Variants in KCNMA1 observed in about 807,000 individuals in gnomAD.
The protein encoded by KCNMA1 is potassium calcium-activated channel subfamily M alpha 1.
KCNMA1 carries 29 observed loss-of-function variants against 140.0 expected under a neutral mutation model. The ratio of observed to expected loss-of-function variants is 0.21; its 90% CI spans 0.15 to 0.28. KCNMA1 has a LOEUF of 0.28. Among genes scored for constraint, KCNMA1 ranks in the 10% least tolerant of loss-of-function variants. The probability of loss-of-function intolerance (pLI) is 1.00; values close to 1 mark genes in which losing one functional copy is unlikely to be tolerated. For synonymous variants in KCNMA1, 612 were observed against 611.9 expected, an observed-to-expected ratio of 1.00 and a Z score of 0.00; for missense variants, 880 against 1,602.2, an observed-to-expected ratio of 0.55 and a Z score of 7.70.
intron 23 of KCNMA1, among the ~76,000 whole-genome samples, chr10:76,928,305 A>G: frequency 1.3e-5 from 1 of 78,308 alleles, no homozygotes; most frequent in East Asian, 2.1e-4. Context: ...ACACACACAC[A>G]CACACGCACA....
At chr10:77,565,724 T>C (rs1416375942) in intron 1 of KCNMA1, among the ~76,000 whole-genome samples, 1 of 152,232 alleles carries the variant, frequency 6.6e-6, no homozygotes, top group African/African-American at 2.4e-5. Context: ...TGCTTAGTAC[T>C]TGGCACAAGA....
At chr10:77,578,074 G>C (rs1377895205) in intron 1 of KCNMA1, among the ~76,000 whole-genome samples, 1 of 152,212 alleles carries the variant, frequency 6.6e-6, no homozygotes, top group Non-Finnish European at 1.5e-5. Flanking sequence ...AGTGCCTCTG[G>C]ACACCTCCAG....
intron 19 of KCNMA1, among the ~76,000 whole-genome samples, chr10:76,999,890 C>T (rs1428003775): frequency 6.6e-6 from 1 of 152,134 alleles, no homozygotes; most frequent in African/African-American, 2.4e-5. Context: ...TGGCTCGATG[C>T]ACAAATCATG....
At chr10:77,392,968 C>A (rs949632705) in intron 2 of KCNMA1, among the ~76,000 whole-genome samples, 1 of 152,252 alleles carries the variant, frequency 6.6e-6, no homozygotes, top group East Asian at 1.9e-4. Context: ...TCCTGTGACA[C>A]ATGCGCCCAC....
At position 77,293,039 on chromosome 10, in the gene KCNMA1, T is replaced by C. The variant is rs573856395; in HGVS notation, c.541-41783A>G. Among the ~76,000 whole-genome samples the C allele has an allele frequency of 5.3e-5, 8 of 152,198 alleles. No individual in the cohort carries two copies. The South Asian group carries it at 1.2e-3, about 24-fold the overall frequency. Reference sequence around the variant, plus strand: ...CCTTTGAAAGGCCAGGAGAAGAGCATGGCAGGCAGAGGGAACAGTAGGTCA... The same window carrying C: ...CCTTTGAAAGGCCAGGAGAAGAGCACGGCAGGCAGAGGGAACAGTAGGTCA... On this transcript the variant is annotated intron_variant, in intron 2 of 27. Transcript: ENST00000286628.
intron 14 of KCNMA1, chr10:77,071,605 C>T (rs1008771824): frequency 6.6e-6 from 1 of 152,210 alleles, no homozygotes; most frequent in African/African-American, 2.4e-5. Context: ...CATTCAGTTC[C>T]ACCCATGCAG....
At chr10:77,321,716 A>G (rs984444233) in intron 2 of KCNMA1, among the ~76,000 whole-genome samples, 3 of 152,124 alleles carry the variant, frequency 2.0e-5, no homozygotes, top group Admixed American at 6.5e-5. Flanking sequence ...TTGGGGAAAG[A>G]CAACAGTCCT....
At chr10:77,527,043 G>A (rs1045227814) in intron 1 of KCNMA1, among the ~76,000 whole-genome samples, 1 of 152,226 alleles carries the variant, frequency 6.6e-6, no homozygotes, top group African/African-American at 2.4e-5. Flanking sequence ...GGGAAATAAT[G>A]CCGACACATA....
At chr10:77,265,458 T>G (rs1459506189) in intron 2 of KCNMA1, among the ~76,000 whole-genome samples, 1 of 152,228 alleles carries the variant, frequency 6.6e-6, no homozygotes, top group Non-Finnish European at 1.5e-5. Context: ...ATAAAAAGTT[T>G]ATTCTTTCAA....
In KCNMA1 at chr10:76,977,584, C is replaced by A. The variant is rs1009959320; in HGVS notation, c.2267-7517G>T. 3 of 702,968 alleles carry A rather than the reference C, an allele frequency of 4.3e-6. No individual in the cohort carries two copies. In the South Asian group the frequency reaches 4.4e-5, roughly 10 times the overall value. 43.5% of individuals were successfully genotyped at this position (702,968 alleles called of 1,614,324 possible). On this transcript the variant is annotated intron_variant, in intron 19 of 27. Transcript: ENST00000286628. The stretch of plus-strand genomic sequence containing the variant: ...TTGCTGACCCCTGCAGTAGTTTAAT[C>A]TTCTCACATTTCCCTTGCTTTCCAG...
chr10:77,085,227 G>C (rs1430655098), intron 11 of KCNMA1, among the ~76,000 whole-genome samples: 2 of 152,178 alleles, frequency 1.3e-5, no homozygotes, highest in Admixed American at 6.5e-5. Context: ...GAAGAGATCA[G>C]AGCTCTAAAT....
intron 14 of KCNMA1, among the ~76,000 whole-genome samples, chr10:77,047,878 T>G (rs886534388): frequency 1.3e-5 from 2 of 152,120 alleles, no homozygotes; most frequent in Non-Finnish European, 2.9e-5. Context: ...AACCCCAGAA[T>G]AGTTCAGCTT....
At chr10:77,214,916 C>T (rs1297157458) in intron 3 of KCNMA1, among the ~76,000 whole-genome samples, 2 of 152,162 alleles carry the variant, frequency 1.3e-5, no homozygotes, top group Non-Finnish European at 2.9e-5. Context: ...TACACTCTTT[C>T]CCCAGATGGT....
intron 5 of KCNMA1, among the ~76,000 whole-genome samples, chr10:77,179,328 C>T (rs2098783071): frequency 6.6e-6 from 1 of 152,126 alleles, no homozygotes; most frequent in Non-Finnish European, 1.5e-5. Context: ...TGTTCTTAAG[C>T]CCCAGTCTCT....
intron 24 of KCNMA1, chr10:76,910,636 C>G (rs1482440598): frequency 5.0e-6 from 1 of 198,484 alleles, no homozygotes; most frequent in Non-Finnish European, 1.0e-5. Flanking sequence ...CCCGGGGTCC[C>G]AGGCCCTAAA....
At chr10:77,466,992 G>A (rs2098035115) in intron 1 of KCNMA1, among the ~76,000 whole-genome samples, 1 of 152,064 alleles carries the variant, frequency 6.6e-6, no homozygotes, top group Admixed American at 6.6e-5. Flanking sequence ...GTAGAGAAAA[G>A]AAAAAAGAAA....
chr10:77,377,590 G>T (rs982323179), intron 2 of KCNMA1, among the ~76,000 whole-genome samples: 3 of 152,162 alleles, frequency 2.0e-5, no homozygotes, highest in Non-Finnish European at 4.4e-5. Context: ...CAAGGGTTTT[G>T]CGGAACTCTT....
At chr10:77,126,663 T>C (rs1242723757) in intron 5 of KCNMA1, among the ~76,000 whole-genome samples, 1 of 151,950 alleles carries the variant, frequency 6.6e-6, no homozygotes, top group Non-Finnish European at 1.5e-5. Context: ...TGCCCTCTGC[T>C]ACAAGGAGCT....
chr10:77,278,287 A>G (rs1002943496), intron 2 of KCNMA1, among the ~76,000 whole-genome samples: 2 of 152,222 alleles, frequency 1.3e-5, no homozygotes, highest in African/African-American at 4.8e-5. Context: ...CCCAACAGAT[A>G]GACAAACAAC....
Sources: allele counts gnomAD v4.1 joint callset (sites outside exome capture counted in the v4.1 genomes callset), GRCh38; gene constraint gnomAD v4.1.1; transcripts MANE v1.5; gene names NCBI Gene and HGNC (gene_info 2026-07-23, HGNC 2026-07-21).